Variants in ITGAE observed in about 807,000 individuals in gnomAD.
ITGAE encodes the protein integrin alpha-E.
In ITGAE, 99 loss-of-function variants were observed where a neutral mutation model predicts 136.5. The observed-to-expected ratio is 0.73, with a 90% confidence interval of 0.62 to 0.86. The LOEUF (loss-of-function observed/expected upper bound fraction) is 0.86. Among genes scored for constraint, ITGAE ranks in the 40% least tolerant of loss-of-function variants. The pLI is 0.00. For missense variants in ITGAE, 1,447 were observed against 1,515.3 expected (o/e 0.95, Z 0.75); for synonymous variants, 613 against 591.8 (o/e 1.04, Z -0.52).
intron 10 of ITGAE, among the ~76,000 whole-genome samples, 192 bp from the exon 11 acceptor site, chr17:3,756,089 C>T (rs1489933332): frequency 2.0e-5 from 3 of 152,158 alleles, no homozygotes; most frequent in Non-Finnish European, 4.4e-5. Flanking sequence ...TCTTTCTAGG[C>T]CTCAGTTTCC....
At chr17:3,778,498 G>C (rs1015414470) in intron 1 of ITGAE, among the ~76,000 whole-genome samples, 2 of 152,150 alleles carry the variant, frequency 1.3e-5, no homozygotes, top group African/African-American at 4.8e-5. Flanking sequence ...GGGAGGCAGA[G>C]GTTGCAGTGA....
At chr17:3,746,436 ATTTTCTTTTTT>A (rs996463127) in intron 17 of ITGAE, among the ~76,000 whole-genome samples, 2 of 149,846 alleles carry the variant, frequency 1.3e-5, no homozygotes, top group Non-Finnish European at 1.5e-5. Context: ...CAGGTCTGTT[ATTTTCTTTTTT>A]TTTTCTTTTT....
At chr17:3,755,378 T>A in intron 11 of ITGAE, 117 bp from the exon 12 acceptor site, 1 of 1,217,560 alleles carries the variant, frequency 8.2e-7, no homozygotes, top group Non-Finnish European at 1.1e-6. Flanking sequence ...GGGCGTTCGG[T>A]GGTCTAGTGC....
intron 2 of ITGAE, among the ~76,000 whole-genome samples, chr17:3,771,852 T>C (rs1322629512): frequency 6.6e-6 from 1 of 152,164 alleles, no homozygotes; most frequent in Non-Finnish European, 1.5e-5. Flanking sequence ...TGCATTCTTC[T>C]GTATGGCACA....
Position 3,750,362 on chromosome 17 carries a change from C to T in ITGAE, c.2014G>A (p.Val672Ile), listed in dbSNP as rs779858307. Residue 672 changes from valine to isoleucine, a missense_variant, in exon 16 of 31, where the codon GTT (valine) becomes ATT (isoleucine). Val to Ile is a conservative substitution (Grantham distance 29). This residue lies in a region of ITGAE where 1,031 missense variants were observed against 1,011.4 expected (regional missense o/e 1.02). Transcript: ENST00000263087. The part of the protein sequence containing the change: ...DITVGTLGQA[V>I]VFRSRPVVRL... Reference sequence around the variant, plus strand: ...AGGACAGAACCCTACCGGAACACAACCGCCTGGCCCAGAGTGCCCACGGTG... The same window carrying T: ...AGGACAGAACCCTACCGGAACACAATCGCCTGGCCCAGAGTGCCCACGGTG... The T allele has an allele frequency of 9.9e-6, 16 of 1,613,954 alleles. No individual in the cohort carries two copies. The Admixed American group carries it at 1.8e-4, about 18-fold the overall frequency.
rs372315535 is a variant in ITGAE, at chr17:3,727,176, A to C, written c.3084+743T>G. ...GCAGAGCCTGTTGCTTCAGGTATCA[A>C]GGCTAGCTTTGGGAACCAGACTACA... On this transcript the variant is annotated intron_variant, in intron 26 of 30. Transcript: ENST00000263087. Among the ~76,000 whole-genome samples, 22 of 152,232 alleles carry C rather than the reference A, an allele frequency of 1.4e-4. No homozygotes were observed. In the East Asian group the frequency reaches 2.5e-3, roughly 17 times the overall value.
chr17:3,742,832 A>G (rs920585438), intron 19 of ITGAE, among the ~76,000 whole-genome samples: 1 of 152,144 alleles, frequency 6.6e-6, no homozygotes, highest in African/African-American at 2.4e-5. Context: ...TTGTATTTTT[A>G]GTAGAGACAG....
intron 21 of ITGAE, among the ~76,000 whole-genome samples, chr17:3,732,776 G>A (rs1328329132): frequency 6.6e-6 from 1 of 152,136 alleles, no homozygotes; most frequent in Non-Finnish European, 1.5e-5. Context: ...CCTGGGGAAG[G>A]AGGCATTTGA....
intron 21 of ITGAE, among the ~76,000 whole-genome samples, chr17:3,734,134 A>G (rs112826013): frequency 0.016 from 2,456 of 152,222 alleles, 78 homozygotes; most frequent in African/African-American, 0.055. Context: ...GCAGTGGCGC[A>G]ATCTCGGCTC....
At chr17:3,726,720 C>CTT (rs111318456) in intron 26 of ITGAE, 143 of 148,928 alleles carry the variant, frequency 9.6e-4, no homozygotes, top group African/African-American at 1.5e-3. Flanking sequence ...TATAAACCCT[C>CTT]TTTTTTTTTT....
rs760874021 is a variant in ITGAE at position 3,759,394 on chromosome 17, A to G, written c.866+8T>C. On this transcript the variant is annotated splice_region_variant and intron_variant, in intron 8 of 30. Transcript: ENST00000263087. Reference sequence around the variant, plus strand: ...GGCCAGAATAATTCCTGCAGCCCCCACACTCACAAGACGTGTTGCATGGCT... The same window carrying G: ...GGCCAGAATAATTCCTGCAGCCCCCGCACTCACAAGACGTGTTGCATGGCT... The G allele has an allele frequency of 1.2e-6, 2 of 1,611,216 alleles. No homozygotes were observed. The highest frequency in any genetic ancestry group is 3.3e-5 in the Admixed American group (2 of 59,954).
chr17:3,732,286 C>T (rs1016179047), intron 22 of ITGAE, 82 bp downstream of exon 22: 41 of 1,047,054 alleles, frequency 3.9e-5, no homozygotes, highest in African/African-American at 9.4e-5. Context: ...AAGCTGGAAC[C>T]GAGAGATTGA....
chr17:3,761,541 T>TG (rs2052169941), intron 4 of ITGAE, 21 bp from the exon 5 acceptor site: 9 of 1,590,280 alleles, frequency 5.7e-6, no homozygotes, highest in Non-Finnish European at 7.7e-6. Context: ...GAAGAGAGGG[T>TG]GGGGAAACAC....
chr17:3,793,973 CTTTTTTTTTT>C (rs5818917), intron 1 of ITGAE, among the ~76,000 whole-genome samples: 1 of 81,198 alleles, frequency 1.2e-5, no homozygotes, highest in South Asian at 3.5e-4. Flanking sequence ...CCTCTTCATC[CTTTTTTTTTT>C]TTTTTTTTTT....
chr17:3,786,002 C>A (rs1597367927), intron 1 of ITGAE, among the ~76,000 whole-genome samples: 1 of 151,802 alleles, frequency 6.6e-6, no homozygotes, highest in East Asian at 1.9e-4. Flanking sequence ...CCCGTCTCTA[C>A]TGAAAATACA....
intron 20 of ITGAE, among the ~76,000 whole-genome samples, chr17:3,735,953 G>A (rs1196416154): frequency 6.6e-6 from 1 of 152,158 alleles, no homozygotes; most frequent in Non-Finnish European, 1.5e-5. Flanking sequence ...AGACCAGCCT[G>A]GCCAAGATGG....
intron 20 of ITGAE, among the ~76,000 whole-genome samples, chr17:3,739,252 C>G (rs967768695): frequency 2.0e-5 from 3 of 152,298 alleles, no homozygotes; most frequent in African/African-American, 7.2e-5. Flanking sequence ...TCCTTCCCAC[C>G]TTCCCTGTGT....
At chr17:3,774,650 A>G (rs1567549753) in intron 2 of ITGAE, among the ~76,000 whole-genome samples, 1 of 152,154 alleles carries the variant, frequency 6.6e-6, no homozygotes, top group Non-Finnish European at 1.5e-5. Flanking sequence ...CTGTAATCCC[A>G]GCTACTCAGG....
intron 19 of ITGAE, among the ~76,000 whole-genome samples, chr17:3,742,944 G>A (rs531092963): frequency 5.7e-4 from 87 of 152,306 alleles, no homozygotes; most frequent in African/African-American, 1.9e-3. Context: ...CAGCCAGGGC[G>A]CCCGGCTGAC....
Sources: allele counts gnomAD v4.1 joint callset (sites outside exome capture counted in the v4.1 genomes callset), GRCh38; gene constraint gnomAD v4.1.1; regional missense constraint gnomAD v4.1.1; transcripts MANE v1.5; gene names NCBI Gene and HGNC (gene_info 2026-07-23, HGNC 2026-07-21).